The following TRIM67 variants were observed in gnomAD, a reference collection of about 807,000 sequenced individuals.
TRIM67 encodes the protein tripartite motif-containing protein 67.
TRIM67 carries 39 observed loss-of-function variants against 71.0 expected under a neutral mutation model. The observed-to-expected ratio is 0.55, with a 90% CI of 0.43 to 0.72. The LOEUF (loss-of-function observed/expected upper bound fraction) is 0.72, where lower values mean the gene tolerates loss of function less well. Ranked by LOEUF, TRIM67 falls within the 30% of genes least tolerant of loss-of-function variation. The pLI is 0.00. For missense variants in TRIM67, 973 were observed against 1,079.2 expected (o/e 0.90, Z 1.38); for synonymous variants, 481 against 473.9 (o/e 1.01, Z -0.19).
At chr1:231,198,286 G>C (rs1021340321) in intron 2 of TRIM67, among the ~76,000 whole-genome samples, 1 of 152,178 alleles carries the variant, frequency 6.6e-6, no homozygotes, top group African/African-American at 2.4e-5. Context: ...TGTCTATAGG[G>C]GAGAACGTGC....
chr1:231,197,741 C>T (rs1309340912), intron 2 of TRIM67, among the ~76,000 whole-genome samples: 3 of 152,186 alleles, frequency 2.0e-5, no homozygotes, highest in Non-Finnish European at 4.4e-5. Flanking sequence ...AGGAGAATCA[C>T]TTGAACCTGG....
rs993827130 is a variant in TRIM67 at position 231,219,369 on chromosome 1, C to T, written c.*3929C>T. ...CAAGTTGAGAACCACCAGGTTATGC[C>T]AGTGGTTTGTCATGCATGGATCTGT... is the stretch of plus-strand genomic sequence containing the variant. On this transcript the variant is annotated 3_prime_UTR_variant, in exon 10 of 10. Transcript: ENST00000366653. The T allele has an allele frequency of 9.4e-5, 93 of 987,616 alleles. No homozygotes were observed. The African/African-American group carries it at 1.4e-3, about 15-fold the overall frequency. 61.2% of individuals were successfully genotyped at this position (987,616 alleles called of 1,614,324 possible).
rs1682299406 is a variant in TRIM67 at position 231,162,079 on chromosome 1, C to T, written c.-891C>T. ...AATTACAACTCCTCGGCGCGCCGCG[C>T]GGGGAGGCAGCGGCAGCGGCGGGAG... On this transcript the variant is annotated 5_prime_UTR_variant, in exon 1 of 10. Transcript: ENST00000366653. 1 of 152,168 alleles carries T rather than the reference C, an allele frequency of 6.6e-6. No homozygotes were observed. Among genetic ancestry groups the T allele is most frequent in the South Asian group, 2.1e-4 (1 of 4,834 alleles). 9.4% of individuals were successfully genotyped at this position (152,168 alleles called of 1,614,324 possible).
At chr1:231,193,144 G>A (rs1313813180) in intron 1 of TRIM67, among the ~76,000 whole-genome samples, 6 of 152,212 alleles carry the variant, frequency 3.9e-5, no homozygotes, top group Admixed American at 2.6e-4. Flanking sequence ...GGTGCTAGCC[G>A]CAGTGATGAA....
In TRIM67 at chr1:231,186,885, GATGA is replaced by G. The variant is rs201853960; in HGVS notation, c.1045-10485_1045-10482del. Reference sequence around the variant, plus strand: ...CCCAGAGGCCTAAAATGAAAGCTTGGATGATGGGAAGGTGCTTCTCAGGCTGTCT... The same window carrying G: ...CCCAGAGGCCTAAAATGAAAGCTTGGTGGGAAGGTGCTTCTCAGGCTGTCT... On this transcript the variant is annotated intron_variant, in intron 1 of 9. Coordinates refer to ENST00000366653, the MANE Select transcript of TRIM67 (RefSeq NM_001004342.5). Among the ~76,000 whole-genome samples, 1,394 of 152,268 alleles carry G rather than the reference GATGA, an allele frequency of 9.2e-3. 20 individuals carry two copies. Among genetic ancestry groups the G allele is most frequent in the African/African-American group, 0.031 (1,306 of 41,550 alleles).
In TRIM67 at chr1:231,209,548, T is replaced by C. The variant is rs1274601536; in HGVS notation, c.2123+298T>C. Among the ~76,000 whole-genome samples, 1 of 152,204 alleles carries C rather than the reference T, an allele frequency of 6.6e-6. No homozygotes were observed. Among genetic ancestry groups the C allele is most frequent in the Admixed American group, 6.5e-5 (1 of 15,292 alleles). On this transcript the variant is annotated intron_variant, in intron 8 of 9. Transcript: ENST00000366653. This position sits in a 1 kb window ranked among gnomAD's most constrained non-coding sequence, Gnocchi z 4.1. Reference sequence around the variant, plus strand: ...GGGATATGGAGCTCGTAGTTTTCTTTCTGGTACGGCTTCACTTTCCTTTTC... The same window carrying C: ...GGGATATGGAGCTCGTAGTTTTCTTCCTGGTACGGCTTCACTTTCCTTTTC...
chr1:231,185,302 G>C (rs41315434), intron 1 of TRIM67: 29,766 of 1,277,360 alleles, frequency 0.023, 464 homozygotes, highest in Non-Finnish European at 0.027. Context: ...ACACTGGAGG[G>C]ATCTGAGAAA....
chr1:231,185,946 C>G, intron 1 of TRIM67: 1 of 709,628 alleles, frequency 1.4e-6, no homozygotes, highest in Non-Finnish European at 2.4e-6. Context: ...GATAAACGGC[C>G]GTGACAGCCG....
At chr1:231,197,572 T>C in intron 2 of TRIM67, 106 bp downstream of exon 2, 1 of 1,024,156 alleles carries the variant, frequency 9.8e-7, no homozygotes, top group Non-Finnish European at 1.5e-6. Flanking sequence ...ACACCTGTAA[T>C]CCCAACACTT....
At chr1:231,211,031 A>ATATATAT (rs55840623) in intron 8 of TRIM67, among the ~76,000 whole-genome samples, 1 of 127,232 alleles carries the variant, frequency 7.9e-6, no homozygotes, top group African/African-American at 2.8e-5. Context: ...AAAAAAAAAA[A>ATATATAT]ATATATATAT....
rs112950649 is a variant in TRIM67, at chr1:231,218,246, C to T, written c.*2806C>T. The T allele has an allele frequency of 2.7e-5, 27 of 1,001,034 alleles. No homozygotes were observed. The highest frequency in any genetic ancestry group is 5.1e-4 in the Middle Eastern group (1 of 1,970). The allele number at this position is 1,001,034 out of a possible 1,614,324, so 62.0% of individuals were successfully genotyped here. A position where few individuals can be genotyped will look rare whatever the true frequency, so the allele number is the denominator to read the frequency against. ...TCATCCACCATCGAATTCCATAACA[C>T]GTTACATCATGGTGGCACATTTGTA... is the stretch of plus-strand genomic sequence containing the variant. On this transcript the variant is annotated 3_prime_UTR_variant, in exon 10 of 10. Coordinates refer to ENST00000366653, the MANE Select transcript of TRIM67 (RefSeq NM_001004342.5).
At chr1:231,176,914 A>AAAAAAAAC (rs1486721148) in intron 1 of TRIM67, among the ~76,000 whole-genome samples, 3 of 151,580 alleles carry the variant, frequency 2.0e-5, no homozygotes, top group East Asian at 3.9e-4. Flanking sequence ...GGCAAAAAAA[A>AAAAAAAAC]AAAAAAAAAC....
chr1:231,209,219 T>A lies in TRIM67; in HGVS notation c.2092T>A (p.Trp698Arg). The A allele has an allele frequency of 6.3e-7, 1 of 1,579,850 alleles. No individual in the cohort carries two copies. Among genetic ancestry groups the A allele is most frequent in the Non-Finnish European group, 8.6e-7 (1 of 1,158,146 alleles). ...CATGTATGTGGACAACAACCGCAGCTGGTTCATGCACTGCAACTCCCACAC... is the reference window on the plus strand; with the variant it reads ...CATGTATGTGGACAACAACCGCAGCAGGTTCATGCACTGCAACTCCCACAC... Reference protein sequence around the residue: ...WAMYVDNNRSWFMHCNSHTNR... With the variant: ...WAMYVDNNRSRFMHCNSHTNR... The change falls in exon 8 of 10, where the codon TGG becomes AGG. Residue 698 changes from tryptophan to arginine, a missense_variant. Trp to Arg is a moderately radical substitution (Grantham distance 101, BLOSUM62 -3). Transcript: ENST00000366653. The surrounding 1 kb of genome is among the most constrained non-coding windows in gnomAD (Gnocchi z 4.1).
intron 1 of TRIM67, chr1:231,184,017 C>G (rs2102730066): frequency 6.6e-6 from 1 of 152,322 alleles, no homozygotes; most frequent in East Asian, 1.9e-4. Flanking sequence ...GTCTCTTTGT[C>G]TCTTTGTTCA....
intron 1 of TRIM67, among the ~76,000 whole-genome samples, chr1:231,187,156 G>A (rs1199259803): frequency 1.3e-5 from 2 of 152,162 alleles, no homozygotes; most frequent in African/African-American, 2.4e-5. Flanking sequence ...GGAAGACAGC[G>A]TTTAAGAAGA....
chr1:231,192,532 CT>C (rs1180408461), intron 1 of TRIM67, among the ~76,000 whole-genome samples: 2 of 152,316 alleles, frequency 1.3e-5, no homozygotes, highest in East Asian at 3.9e-4. Flanking sequence ...AACCTTTGCT[CT>C]TTTTCCACTA....
chr1:231,186,015 G>C, intron 1 of TRIM67: 2 of 1,377,726 alleles, frequency 1.5e-6, no homozygotes, highest in Non-Finnish European at 2.0e-6. Flanking sequence ...GAAGATAGGT[G>C]CTTGGGTTGC....
rs1014956388 is a variant in TRIM67, at chr1:231,190,598, G to A, written c.1045-6773G>A. Among the ~76,000 whole-genome samples the A allele has an allele frequency of 3.9e-5, 6 of 152,090 alleles. No individual in the cohort carries two copies. In the East Asian group the frequency reaches 5.8e-4, roughly 15 times the overall value. ...GCTGCCACCCAGCATTGCTCCCTTC[G>A]TAGCCAATGCTGAGCTGGCTCCTCC... On this transcript the variant is annotated intron_variant, in intron 1 of 9. Transcript: ENST00000366653.
At chr1:231,182,937 G>A (rs1323578729) in intron 1 of TRIM67, among the ~76,000 whole-genome samples, 1 of 152,222 alleles carries the variant, frequency 6.6e-6, no homozygotes, top group Non-Finnish European at 1.5e-5. Flanking sequence ...TTTGACTTCA[G>A]CATTAAGTTC....
Sources: allele counts gnomAD v4.1 joint callset (sites outside exome capture counted in the v4.1 genomes callset), GRCh38; gene constraint gnomAD v4.1.1; non-coding constraint Gnocchi (gnomAD v3.1); transcripts MANE v1.5; gene names NCBI Gene and HGNC (gene_info 2026-07-23, HGNC 2026-07-21).